Variants in HMCN1 observed in about 807,000 individuals in gnomAD.
HMCN1 encodes the protein hemicentin-1.
In HMCN1, 321 loss-of-function variants were observed where a neutral mutation model predicts 625.9. That is an observed-to-expected ratio of 0.51 (90% CI 0.47 to 0.56). The LOEUF (loss-of-function observed/expected upper bound fraction) is 0.56. Ranked by LOEUF, HMCN1 falls within the 20% of genes least tolerant of loss-of-function variation. HMCN1 has a pLI of 0.00. For missense variants in HMCN1, 6,588 were observed against 6,887.3 expected (o/e 0.96, Z 1.54); for synonymous variants, 2,425 against 2,417.6 (o/e 1.00, Z -0.09).
intron 6 of HMCN1, among the ~76,000 whole-genome samples, chr1:185,920,346 G>A (rs930654905): frequency 2.0e-5 from 3 of 152,070 alleles, no homozygotes; most frequent in Admixed American, 2.0e-4. Flanking sequence ...CTCACTTGAA[G>A]ATATCTTTTA....
intron 4 of HMCN1, among the ~76,000 whole-genome samples, chr1:185,872,092 T>C (rs6701921): frequency 0.031 from 4,651 of 152,282 alleles, 258 homozygotes; most frequent in African/African-American, 0.11. Flanking sequence ...GTGAAAACAA[T>C]GTGTAAATGT....
At chr1:186,104,824 T>C (rs1433021579) in intron 69 of HMCN1, among the ~76,000 whole-genome samples, 4 of 152,168 alleles carry the variant, frequency 2.6e-5, no homozygotes, top group African/African-American at 7.2e-5. Flanking sequence ...TTACAGTAAC[T>C]TAGAGTCAGG....
chr1:185,870,239 T>C (rs1174121416), intron 4 of HMCN1, among the ~76,000 whole-genome samples: 1 of 152,210 alleles, frequency 6.6e-6, no homozygotes, highest in East Asian at 1.9e-4. Flanking sequence ...GGAACTAAAC[T>C]ATTGCAGTAT....
chr1:186,067,513 ACTAAACAC>A (rs1658202595), intron 49 of HMCN1, among the ~76,000 whole-genome samples: 1 of 152,106 alleles, frequency 6.6e-6, no homozygotes, highest in Non-Finnish European at 1.5e-5. Context: ...GACCCTTCAC[ACTAAACAC>A]CTCAAACTGG....
intron 11 of HMCN1, among the ~76,000 whole-genome samples, chr1:185,961,811 A>AC: frequency 6.6e-6 from 1 of 150,616 alleles, no homozygotes; most frequent in Admixed American, 6.6e-5. Flanking sequence ...TGAATAACTG[A>AC]TTTTTTTTTT....
intron 11 of HMCN1, among the ~76,000 whole-genome samples, chr1:185,950,450 G>A (rs1335361745): frequency 6.6e-6 from 1 of 151,864 alleles, no homozygotes. Context: ...ACAGGGAGTG[G>A]TCCTGGCTCT....
At chr1:186,141,215 A>G (rs889876727) in intron 89 of HMCN1, among the ~76,000 whole-genome samples, 2 of 151,860 alleles carry the variant, frequency 1.3e-5, no homozygotes, top group Admixed American at 6.6e-5. Flanking sequence ...AATGTTAGCA[A>G]TGGGGAGTAG....
intron 63 of HMCN1, among the ~76,000 whole-genome samples, chr1:186,088,977 C>A (rs1429622202): frequency 6.6e-6 from 1 of 151,900 alleles, no homozygotes; most frequent in Non-Finnish European, 1.5e-5. Context: ...GTAATCTCTA[C>A]TTTTTCCAAT....
rs1320365604 is a variant in HMCN1 at position 185,949,611 on chromosome 1, T to C, written c.1829-12907T>C. On this transcript the variant is annotated intron_variant, in intron 11 of 106. Coordinates refer to ENST00000271588, the MANE Select transcript of HMCN1 (RefSeq NM_031935.3). ...AAAACTGCTTGGCTGATTTGACTAA[T>C]AAAGGCTCATCTCTTATCAGACTGT... 2.4e-4 allele frequency among the ~76,000 whole-genome samples: 36 copies of C among 151,980 alleles called. 1 individual carries two copies. The highest frequency in any genetic ancestry group is 2.9e-4 in the Non-Finnish European group (20 of 68,026).
chr1:185,854,839 G>A (rs1249568583), intron 2 of HMCN1, among the ~76,000 whole-genome samples: 3 of 152,192 alleles, frequency 2.0e-5, no homozygotes, highest in East Asian at 3.9e-4. Context: ...TTTGCCAAGA[G>A]AGGAAATTAC....
In HMCN1 at chr1:186,166,958, C is replaced by A. The variant is rs763965635; in HGVS notation, c.15574+16C>A. ...AGTTGTCAAGGTATAAAAATGGAGG[C>A]CTTTTCTTTATGTTCATGACAGTAA... On this transcript the variant is annotated intron_variant, in intron 100 of 106. Transcript: ENST00000271588. 5 of 1,613,826 alleles carry A rather than the reference C, an allele frequency of 3.1e-6. No individual in the cohort carries two copies. The highest frequency in any genetic ancestry group is 1.3e-5 in the African/African-American group (1 of 74,876).
At chr1:185,745,420 T>C (rs571448782) in intron 1 of HMCN1, among the ~76,000 whole-genome samples, 1 of 152,296 alleles carries the variant, frequency 6.6e-6, no homozygotes, top group South Asian at 2.1e-4. Flanking sequence ...TGGATCATAA[T>C]ATTAACTCTG....
rs776450081 is a variant in HMCN1, at chr1:185,922,436, C to T, written c.958C>T (p.Arg320Ter). 5.6e-6 allele frequency: 9 copies of T among 1,613,614 alleles called. No individual in the cohort carries two copies. Among genetic ancestry groups the T allele is most frequent in the South Asian group, 2.2e-5 (2 of 91,068 alleles). The change falls in exon 7 of 107, where the codon CGA (arginine) becomes TGA (stop). Residue 320 changes from arginine (R) to a stop codon, truncating the protein, a stop_gained. Transcript: ENST00000271588. LOFTEE classifies it high-confidence loss of function. Reference sequence around the variant, plus strand: ...TACTGGCCTCAGTACTATTGATTTCCGAGCTGGCTTTTCTCGAAAGCCCAC... The same window carrying T: ...TACTGGCCTCAGTACTATTGATTTCTGAGCTGGCTTTTCTCGAAAGCCCAC... Reference protein sequence around the residue: ...RITGLSTIDFRAGFSRKPTLD... With the variant: ...RITGLSTIDF
intron 97 of HMCN1, among the ~76,000 whole-genome samples, chr1:186,163,442 C>T (rs1196669760): frequency 6.6e-6 from 1 of 152,174 alleles, no homozygotes; most frequent in Admixed American, 6.5e-5. Flanking sequence ...CTGGCACTCC[C>T]TAGTGAGATG....
chr1:186,114,900 C>A lies in HMCN1; in HGVS notation c.11358C>A (p.Thr3786=), dbSNP rs764437979. ...TDTGRYLCMA[T]NAAGTDRRRI... ...CTGGACGGTATTTGTGTATGGCCAC[C>A]AATGCTGCTGGAACAGATCGCAGGC... Residue 3786 remains threonine, a synonymous_variant, in exon 74 of 107, where the codon ACC becomes ACA. Transcript: ENST00000271588. 1.2e-6 allele frequency: 2 copies of A among 1,614,128 alleles called. No individual in the cohort carries two copies. Among genetic ancestry groups the A allele is most frequent in the African/African-American group, 2.7e-5 (2 of 75,022 alleles).
intron 35 of HMCN1, among the ~76,000 whole-genome samples, chr1:186,021,304 A>G (rs1489512876): frequency 1.3e-5 from 2 of 152,068 alleles, no homozygotes; most frequent in Non-Finnish European, 2.9e-5. Context: ...CTGGAGAGGG[A>G]CAAGTTTGAG....
intron 1 of HMCN1, among the ~76,000 whole-genome samples, chr1:185,772,559 T>C (rs73060472): frequency 0.031 from 4,661 of 152,214 alleles, 258 homozygotes; most frequent in African/African-American, 0.11. Flanking sequence ...TATATGTTTG[T>C]ATTGGGTATT....
At chr1:186,071,347 A>G (rs1658471031) in intron 52 of HMCN1, among the ~76,000 whole-genome samples, 1 of 152,230 alleles carries the variant, frequency 6.6e-6, no homozygotes, top group Non-Finnish European at 1.5e-5. Context: ...TTAACTGGGA[A>G]CAGAGAAACT....
chr1:186,069,693 A>T lies in HMCN1; in HGVS notation c.7910A>T (p.Gln2637Leu), dbSNP rs760728428. ...GGRTLQILNA[Q>L]EDNAGRYSCV... ...AGAACTCTGCAGATCCTCAATGCAC[A>T]GGAGGACAATGCTGGAAGATACTCT... is the stretch of plus-strand genomic sequence containing the variant. Residue 2637 changes from glutamine to leucine, a missense_variant, in exon 51 of 107, where the codon CAG (glutamine) becomes CTG (leucine). By Grantham distance (113) the Gln-to-Leu change is moderately radical. Around this residue, in one of 3 missense-constraint regions of HMCN1, gnomAD observed 4,628 missense variants for 4,853.1 expected, o/e 0.95. Transcript: ENST00000271588. 9 of 1,613,060 alleles carry T rather than the reference A, an allele frequency of 5.6e-6. No homozygotes were observed. Among genetic ancestry groups the T allele is most frequent in the Non-Finnish European group, 7.6e-6 (9 of 1,179,614 alleles).
Sources: allele counts gnomAD v4.1 joint callset (sites outside exome capture counted in the v4.1 genomes callset), GRCh38; gene constraint gnomAD v4.1.1; regional missense constraint gnomAD v4.1.1; transcripts MANE v1.5; gene names NCBI Gene and HGNC (gene_info 2026-07-23, HGNC 2026-07-21).